Variants in SERPINB3 observed in about 807,000 individuals in gnomAD.
SERPINB3 encodes the protein serpin B3.
SERPINB3 carries 33 observed loss-of-function variants against 33.0 expected under a neutral mutation model. The observed-to-expected ratio is 1.00, with a 90% confidence interval of 0.76 to 1.34. The LOEUF is 1.34. Among genes scored for constraint, SERPINB3 ranks in the 40% most tolerant of loss-of-function variants. SERPINB3 has a pLI of 0.00. For synonymous variants in SERPINB3, 200 were observed against 170.9 expected, an observed-to-expected ratio of 1.17 and a Z score of -1.33; for missense variants, 518 against 461.5, an observed-to-expected ratio of 1.12 and a Z score of -1.12.
rs781685229 is a variant in SERPINB3 at position 63,661,175 on chromosome 18, G to A, written c.42C>T (p.Asp14=). 606 of 1,613,278 alleles carry A rather than the reference G, an allele frequency of 3.8e-4. 1 individual carries two copies. Among genetic ancestry groups the A allele is most frequent in the African/African-American group, 2.1e-3 (159 of 74,978 alleles). The part of the protein sequence containing the change: ...LSEANTKFMF[D]LFQQFRKSKE... ...TTGATTTTCTGAACTGTTGGAACAG[G>A]TCGAACATGAACTTGGTGTTGGCTT... The change falls in exon 2 of 8, where the codon GAC becomes GAT. Residue 14 remains aspartate (D), a synonymous_variant. Transcript: ENST00000283752.
At chr18:63,659,637 C>T in intron 3 of SERPINB3, 110 bp from the exon 4 acceptor site, 1 of 1,439,118 alleles carries the variant, frequency 6.9e-7, no homozygotes, top group Non-Finnish European at 9.6e-7. Flanking sequence ...CAATGAGGAC[C>T]TTTGAGCTTA....
At chr18:63,660,229 T>C (rs1416966584) in intron 3 of SERPINB3, among the ~76,000 whole-genome samples, 2 of 152,214 alleles carry the variant, frequency 1.3e-5, no homozygotes, top group African/African-American at 4.8e-5. Context: ...TTTTGCACTA[T>C]TAAGGCTCTA....
At chr18:63,660,336 T>G (rs1232812239) in intron 3 of SERPINB3, among the ~76,000 whole-genome samples, 1 of 152,164 alleles carries the variant, frequency 6.6e-6, no homozygotes, top group Non-Finnish European at 1.5e-5. Flanking sequence ...ATTAAATATT[T>G]TGCAACATTA....
intron 6 of SERPINB3, 54 bp from the exon 7 acceptor site, chr18:63,657,040 A>C: frequency 6.8e-7 from 1 of 1,477,362 alleles, no homozygotes; most frequent in Admixed American, 1.8e-5. Context: ...AGGCAAAAAG[A>C]TAATATTATT....
chr18:63,659,198 A>C, intron 4 of SERPINB3: 1 of 613,712 alleles, frequency 1.6e-6, no homozygotes, highest in South Asian at 1.9e-5. Flanking sequence ...GATTATCCCT[A>C]AATCCACACT....
Position 63,655,216 on chromosome 18 carries a change from T to A in SERPINB3, c.*441A>T, listed in dbSNP as rs1008798524. On this transcript the variant is annotated 3_prime_UTR_variant, in exon 8 of 8. Coordinates refer to ENST00000283752, the MANE Select transcript of SERPINB3 (RefSeq NM_006919.3). ...CAAAAATGATTTTATGTCACTATTT[T>A]ATTGATGATGTGTTTTATAGAATCA... The A allele has an allele frequency of 1.3e-5, 2 of 154,360 alleles. No homozygotes were observed. The highest frequency in any genetic ancestry group is 2.9e-5 in the Non-Finnish European group (2 of 69,578). The allele number at this position is 154,360 out of a possible 1,614,324, so 9.6% of individuals were successfully genotyped here. A position where few individuals can be genotyped will look rare whatever the true frequency, so the allele number is the denominator to read the frequency against.
chr18:63,656,629 A>G (rs1466134993), intron 7 of SERPINB3, among the ~76,000 whole-genome samples: 2 of 152,226 alleles, frequency 1.3e-5, no homozygotes, highest in Non-Finnish European at 2.9e-5. Context: ...TAACTCTAAT[A>G]AATTAATCAT....
chr18:63,656,144 T>A, intron 7 of SERPINB3, 83 bp from the exon 8 acceptor site: 7 of 1,487,612 alleles, frequency 4.7e-6, no homozygotes, highest in Non-Finnish European at 5.4e-6. Context: ...ATGTGGAGAA[T>A]CCTTATTTTG....
At chr18:63,657,241 A>G in intron 6 of SERPINB3, 29 bp downstream of exon 6, 1 of 1,196,154 alleles carries the variant, frequency 8.4e-7, no homozygotes, top group South Asian at 1.5e-5. Flanking sequence ...TTAACATATT[A>G]CATTATATAA....
Position 63,655,445 on chromosome 18 carries a change from T to C in SERPINB3, c.*212A>G. 1.9e-6 allele frequency: 1 copy of C among 514,058 alleles called. No homozygotes were observed. The highest frequency in any genetic ancestry group is 3.3e-6 in the Non-Finnish European group (1 of 303,474). 31.8% of individuals were successfully genotyped at this position (514,058 alleles called of 1,614,324 possible). ...GACATTTTTCCTCAAGGAGAATTTTTCTGGAAGAAAAAGTACATTTATATG... is the reference window on the plus strand; with the variant it reads ...GACATTTTTCCTCAAGGAGAATTTTCCTGGAAGAAAAAGTACATTTATATG... On this transcript the variant is annotated 3_prime_UTR_variant, in exon 8 of 8. Coordinates refer to ENST00000283752, the MANE Select transcript of SERPINB3 (RefSeq NM_006919.3).
intron 7 of SERPINB3, among the ~76,000 whole-genome samples, 161 bp downstream of exon 7, chr18:63,656,670 A>T (rs565063364): frequency 2.0e-5 from 3 of 152,220 alleles, no homozygotes; most frequent in Non-Finnish European, 4.4e-5. Context: ...GTCAGGCCCT[A>T]TGCTTAAATC....
chr18:63,660,508 C>A (rs761827108), intron 3 of SERPINB3, among the ~76,000 whole-genome samples: 3 of 152,084 alleles, frequency 2.0e-5, no homozygotes, highest in African/African-American at 4.8e-5. Flanking sequence ...GGACTCTGAG[C>A]AGTTGTGTCC....
intron 3 of SERPINB3, among the ~76,000 whole-genome samples, chr18:63,660,472 C>T (rs1913611994): frequency 6.6e-6 from 1 of 151,954 alleles, no homozygotes; most frequent in Admixed American, 6.6e-5. Flanking sequence ...TCTTATTACC[C>T]TTAGTTTTCT....
In SERPINB3 at chr18:63,656,784, A is replaced by G. The variant is rs767151658; in HGVS notation, c.768+47T>C. 3.2e-5 allele frequency: 50 copies of G among 1,539,456 alleles called. No homozygotes were observed. In the South Asian group the frequency reaches 4.0e-4, roughly 12 times the overall value. On this transcript the variant is annotated intron_variant, in intron 7 of 7. Coordinates refer to ENST00000283752, the MANE Select transcript of SERPINB3 (RefSeq NM_006919.3). ...CCTTGTTTAAACTTGGTATCTTTGGAAAAATGTCAGGCAGTAGAAGGAAGA... is the reference window on the plus strand; with the variant it reads ...CCTTGTTTAAACTTGGTATCTTTGGGAAAATGTCAGGCAGTAGAAGGAAGA...
Position 63,655,974 on chromosome 18 carries a change from G to A in SERPINB3, c.856C>T (p.Arg286Trp), listed in dbSNP as rs1226997915. The change falls in exon 8 of 8, where the codon CGG becomes TGG. Residue 286 changes from arginine (R) to tryptophan (W), a missense_variant. Physicochemically the swap from Arg to Trp is moderately radical, Grantham distance 101 (BLOSUM62 -3). Transcript: ENST00000283752. ...TCATAGCTCTCTTCCACTTTGAACC[G>A]AGGTAAGTGTAAATCGACACGTGTC... Reference protein sequence around the residue: ...RETRVDLHLPRFKVEESYDLK... With the variant: ...RETRVDLHLPWFKVEESYDLK... 4 of 1,613,962 alleles carry A rather than the reference G, an allele frequency of 2.5e-6. No homozygotes were observed. The highest frequency in any genetic ancestry group is 1.7e-5 in the Admixed American group (1 of 59,966).
Position 63,655,789 on chromosome 18 carries a change from G to T in SERPINB3, c.1041C>A (p.Thr347=). 1.2e-6 allele frequency: 2 copies of T among 1,612,580 alleles called. No homozygotes were observed. The highest frequency in any genetic ancestry group is 1.7e-4 in the Middle Eastern group (1 of 6,058). ...TEEGAEAAAA[T]AVVGFGSSPT... is the part of the protein sequence containing the mutation. The stretch of plus-strand genomic sequence containing the variant: ...GTGATGATCCGAATCCTACTACAGC[G>T]GTGGCAGCTGCAGCTTCTGCTCCCT... The change falls in exon 8 of 8, where the codon ACC becomes ACA. Residue 347 remains threonine, a synonymous_variant. Transcript: ENST00000283752.
At chr18:63,658,687 T>G in intron 4 of SERPINB3, 57 bp from the exon 5 acceptor site, 2 of 1,319,096 alleles carry the variant, frequency 1.5e-6, no homozygotes, top group Non-Finnish European at 2.2e-6. Context: ...AACTATATAT[T>G]ACCAAATTTA....
chr18:63,661,672 A>G (rs900900951), intron 1 of SERPINB3, among the ~76,000 whole-genome samples, 174 bp downstream of exon 1: 1 of 151,682 alleles, frequency 6.6e-6, no homozygotes, highest in African/African-American at 2.4e-5. Context: ...ACTTGGAACT[A>G]AGCAATTTAG....
In SERPINB3 at chr18:63,658,636, A is replaced by C. The variant is rs769098800; in HGVS notation, c.352-6T>G. 1.9e-6 allele frequency: 3 copies of C among 1,595,128 alleles called. No individual in the cohort carries two copies. Among genetic ancestry groups the C allele is most frequent in the Non-Finnish European group, 2.6e-6 (3 of 1,163,496 alleles). On this transcript the variant is annotated splice_polypyrimidine_tract_variant and splice_region_variant and intron_variant, in intron 4 of 7. Transcript: ENST00000283752. ...TTGATGGCATCTAAATATTCCTTTGAGATATGAAGGAAGAAAGTAGGAAGT... is the reference window on the plus strand; with the variant it reads ...TTGATGGCATCTAAATATTCCTTTGCGATATGAAGGAAGAAAGTAGGAAGT...
Sources: allele counts gnomAD v4.1 joint callset (sites outside exome capture counted in the v4.1 genomes callset), GRCh38; gene constraint gnomAD v4.1.1; transcripts MANE v1.5; gene names NCBI Gene and HGNC (gene_info 2026-07-23, HGNC 2026-07-21).